The following LCT variants were observed in gnomAD, a reference collection of about 807,000 sequenced individuals.
LCT encodes lactase/phlorizin hydrolase.
Under a neutral mutation model 173.0 loss-of-function variants are expected in LCT, and 90 were observed. That is an observed-to-expected ratio of 0.52 (90% CI 0.44 to 0.62). LCT has a LOEUF of 0.62. Among genes scored for constraint, LCT ranks in the 20% least tolerant of loss-of-function variants. The pLI is 0.00. For missense variants in LCT, 1,864 were observed against 2,431.4 expected, an observed-to-expected ratio of 0.77 and a Z score of 4.91; for synonymous variants, 853 against 957.6, an observed-to-expected ratio of 0.89 and a Z score of 2.02.
chr2:135,798,256 G>T, intron 12 of LCT, 118 bp from the exon 13 acceptor site: 1 of 732,546 alleles, frequency 1.4e-6, no homozygotes, highest in East Asian at 2.6e-5. Flanking sequence ...TGGACCCCCA[G>T]GTTAAGCTCT....
intron 3 of LCT, among the ~76,000 whole-genome samples, chr2:135,828,495 G>T (rs1264809336): frequency 1.3e-5 from 2 of 152,200 alleles, no homozygotes; most frequent in Non-Finnish European, 2.9e-5. Flanking sequence ...GAGGCAGGGG[G>T]TCCAATGTGG....
chr2:135,798,117 G>A lies in LCT; in HGVS notation c.4888C>T (p.His1630Tyr), dbSNP rs2077597617. 2 of 1,607,438 alleles carry A rather than the reference G, an allele frequency of 1.2e-6. No homozygotes were observed. The highest frequency in any genetic ancestry group is 1.3e-5 in the African/African-American group (1 of 74,978). ...YVQFMGGWFA[H>Y]PIFKNGDYNE... The stretch of plus-strand genomic sequence containing the variant: ...TAATCTCCATTCTTGAAAATAGGAT[G>A]TGCAAACCAGCCTCCCATGAACTGC... Residue 1630 changes from histidine (H) to tyrosine (Y), a missense_variant, in exon 13 of 17, where the codon CAT (histidine) becomes TAT (tyrosine). This residue lies in a region of LCT where 514 missense variants were observed against 750.1 expected (regional missense o/e 0.69). Coordinates refer to ENST00000264162, the MANE Select transcript of LCT (RefSeq NM_002299.4).
intron 14 of LCT, 136 bp downstream of exon 14, chr2:135,794,505 C>T (rs934425773): frequency 8.8e-6 from 8 of 910,720 alleles, no homozygotes; most frequent in African/African-American, 3.3e-5. Context: ...TGTGGGGTGG[C>T]GAGCATCTTG....
intron 11 of LCT, among the ~76,000 whole-genome samples, chr2:135,801,595 A>G (rs1257197947): frequency 6.6e-6 from 1 of 151,522 alleles, no homozygotes; most frequent in African/African-American, 2.4e-5. Flanking sequence ...GGCGCCTGTA[A>G]TCCCAGCTAC....
chr2:135,822,757 A>C (rs995749740), intron 4 of LCT: 1 of 155,636 alleles, frequency 6.4e-6, no homozygotes, highest in African/African-American at 2.4e-5. Context: ...CTCATGTTGA[A>C]ATTTAATTGC....
rs1475500071 is a variant in LCT at position 135,809,419 on chromosome 2, G to A, written c.2928C>T (p.Phe976=). The change falls in exon 8 of 17, where the codon TTC becomes TTT. Residue 976 remains phenylalanine (F), a synonymous_variant. Transcript: ENST00000264162. The surrounding 1 kb of genome is among the most constrained non-coding windows in gnomAD (Gnocchi z 5.5). ...LRALKVKAYR[F]SISWSRIFPT... The stretch of plus-strand genomic sequence containing the variant: ...GGAAAATCCGAGACCAGGAGATAGA[G>A]AAGCGGTAGGCCTTCACCTTCAAAG... 6.2e-7 allele frequency: 1 copy of A among 1,614,238 alleles called. No individual in the cohort carries two copies. Among genetic ancestry groups the A allele is most frequent in the East Asian group, 2.2e-5 (1 of 44,892 alleles).
chr2:135,808,679 G>A lies in LCT; in HGVS notation c.3668C>T (p.Pro1223Leu). 1 of 1,614,220 alleles carries A rather than the reference G, an allele frequency of 6.2e-7. No individual in the cohort carries two copies. Among genetic ancestry groups the A allele is most frequent in the Non-Finnish European group, 8.5e-7 (1 of 1,180,034 alleles). ...CTCCTGGTCGTCTTCGTAGGAGGGT[G>A]GGTTTAGCCTGGGTGTTTTGTGCTG... is the stretch of plus-strand genomic sequence containing the variant. ...IVQHKTPRLNPPSYEDDQEMA... is the reference protein window; with the variant it reads ...IVQHKTPRLNLPSYEDDQEMA... Residue 1223 changes from proline to leucine, a missense_variant, in exon 8 of 17, where the codon CCA becomes CTA. By Grantham distance (98) the Pro-to-Leu change is moderately conservative (BLOSUM62 -3). This residue lies in a region of LCT where 755 missense variants were observed against 926.3 expected (regional missense o/e 0.82). Transcript: ENST00000264162.
At chr2:135,820,330 C>T (rs921608880) in intron 5 of LCT, 1 of 152,220 alleles carries the variant, frequency 6.6e-6, no homozygotes, top group Non-Finnish European at 1.5e-5. Flanking sequence ...TCAGGGAACC[C>T]ATTTTATTAC....
At chr2:135,800,542 G>T in intron 12 of LCT, 65 bp downstream of exon 12, 1 of 1,328,428 alleles carries the variant, frequency 7.5e-7, no homozygotes, top group Non-Finnish European at 1.1e-6. Flanking sequence ...TTCACAATCT[G>T]TTTCCATTAG....
intron 11 of LCT, among the ~76,000 whole-genome samples, chr2:135,801,201 G>A (rs190443000): frequency 1.9e-4 from 29 of 152,110 alleles, no homozygotes; most frequent in African/African-American, 6.0e-4. Flanking sequence ...GATACCTATC[G>A]CAGAATCTAA....
Position 135,790,917 on chromosome 2 carries a change from T to C in LCT, c.5112-36A>G, listed in dbSNP as rs903486933. 3.3e-6 allele frequency: 5 copies of C among 1,519,150 alleles called. No individual in the cohort carries two copies. Among genetic ancestry groups the C allele is most frequent in the Non-Finnish European group, 3.7e-6 (4 of 1,093,634 alleles). 94.1% of individuals were successfully genotyped at this position (1,519,150 alleles called of 1,614,324 possible). A position where few individuals can be genotyped will look rare whatever the true frequency, so the allele number is the denominator to read the frequency against. ...AAAAACTAAAGATGAGGTCTTGTTT[T>C]GTAAATCTCAAGAGGCCCTTTACAC... On this transcript the variant is annotated intron_variant, in intron 14 of 16. Coordinates refer to ENST00000264162, the MANE Select transcript of LCT (RefSeq NM_002299.4). This position sits in a 1 kb window ranked among gnomAD's most constrained non-coding sequence, Gnocchi z 4.1.
At chr2:135,798,266 T>C in intron 12 of LCT, 128 bp from the exon 13 acceptor site, 1 of 716,078 alleles carries the variant, frequency 1.4e-6, no homozygotes, top group Non-Finnish European at 2.6e-6. Flanking sequence ...GGTTAAGCTC[T>C]CTTCCCTGTG....
At chr2:135,803,825 A>G (rs1205421276) in intron 11 of LCT, 105 bp downstream of exon 11, 2 of 1,019,898 alleles carry the variant, frequency 2.0e-6, no homozygotes, top group East Asian at 5.1e-5. Flanking sequence ...GGTTTCTGCC[A>G]TGGGGCTTTC....
chr2:135,798,440 C>A (rs1394560311), intron 12 of LCT, among the ~76,000 whole-genome samples: 1 of 152,226 alleles, frequency 6.6e-6, no homozygotes, highest in Non-Finnish European at 1.5e-5. Flanking sequence ...TGCTTCCTGG[C>A]TGCCCTTGGA....
intron 7 of LCT, 129 bp downstream of exon 7, chr2:135,812,182 A>T (rs1271610623): frequency 1.3e-6 from 1 of 794,470 alleles, no homozygotes; most frequent in Non-Finnish European, 2.2e-6. Context: ...GACGTGAAGG[A>T]CTCCCCACTA....
chr2:135,835,486 A>G (rs1474465608), intron 1 of LCT, among the ~76,000 whole-genome samples: 44 of 37,286 alleles, frequency 1.2e-3, no homozygotes, highest in Admixed American at 3.9e-3. Flanking sequence ...ATAGAAGTAT[A>G]TATATATATA....
chr2:135,812,407 C>A lies in LCT; in HGVS notation c.2257G>T (p.Ala753Ser). 6.2e-7 allele frequency: 1 copy of A among 1,614,144 alleles called. No individual in the cohort carries two copies. Among genetic ancestry groups the A allele is most frequent in the Non-Finnish European group, 8.5e-7 (1 of 1,179,968 alleles). The change falls in exon 7 of 17, where the codon GCC becomes TCC. Residue 753 changes from alanine to serine, a missense_variant. Ala to Ser is a moderately conservative substitution (Grantham distance 99, BLOSUM62 1). Around this residue, in one of 4 missense-constraint regions of LCT, gnomAD observed 755 missense variants for 926.3 expected, o/e 0.82. Transcript: ENST00000264162. ...YTRGKVPIYL[A>S]GNGMPIGESE... ...TCCCCTATGGGCATGCCATTCCCGGCAAGGTATATTGGAACTTTTCCTCTT... is the reference window on the plus strand; with the variant it reads ...TCCCCTATGGGCATGCCATTCCCGGAAAGGTATATTGGAACTTTTCCTCTT...
chr2:135,813,030 TAAC>T, intron 6 of LCT, 74 bp from the exon 7 acceptor site: 1 of 1,335,990 alleles, frequency 7.5e-7, no homozygotes, highest in Admixed American at 1.9e-5. Flanking sequence ...AATGAACCAA[TAAC>T]AAGTCAACAA....
At chr2:135,821,897 G>T in intron 5 of LCT, 123 bp downstream of exon 5, 1 of 711,566 alleles carries the variant, frequency 1.4e-6, no homozygotes, top group Middle Eastern at 3.5e-4. Context: ...CAATTGAATG[G>T]CAATAAACAA....
Sources: gnomAD v4.1 joint callset for allele counts (sites outside exome capture counted in the v4.1 genomes callset) on GRCh38, gnomAD v4.1.1 for gene constraint, gnomAD v4.1.1 regional missense constraint, Gnocchi (gnomAD v3.1) non-coding constraint, MANE v1.5 for transcripts, NCBI Gene and HGNC (gene_info 2026-07-23, HGNC 2026-07-21) for gene names.